FAM222B: variants seen among roughly 807,000 people sequenced by gnomAD.
FAM222B encodes the protein family with sequence similarity 222 member B, also known as protein FAM222B.
FAM222B carries 12 observed loss-of-function variants against 38.0 expected under a neutral mutation model. That is an observed-to-expected ratio of 0.32 (90% confidence interval 0.20 to 0.51). The LOEUF is 0.51. Among genes scored for constraint, FAM222B ranks in the 20% least tolerant of loss-of-function variants. FAM222B has a pLI of 0.97. For missense variants in FAM222B, 716 were observed against 754.2 expected (o/e 0.95, Z 0.59); for synonymous variants, 329 against 317.2 (o/e 1.04, Z -0.40).
At chr17:28,834,912 T>A (rs1003141375) in intron 1 of FAM222B, 3 of 150,550 alleles carry the variant, frequency 2.0e-5, no homozygotes, top group African/African-American at 7.3e-5. Context: ...TGGAGTGCAA[T>A]GGCGTGACCT....
At chr17:28,814,143 G>C (rs1367141208) in intron 1 of FAM222B, among the ~76,000 whole-genome samples, 1 of 150,342 alleles carries the variant, frequency 6.7e-6, no homozygotes, top group African/African-American at 2.5e-5. Flanking sequence ...CCGTGCCACT[G>C]CACTCCAGCC....
At chr17:28,798,899 G>A (rs1412882662) in intron 1 of FAM222B, among the ~76,000 whole-genome samples, 2 of 151,706 alleles carry the variant, frequency 1.3e-5, no homozygotes, top group Non-Finnish European at 2.9e-5. Flanking sequence ...TTACAGGCGT[G>A]AGCCACCACA....
intron 1 of FAM222B, among the ~76,000 whole-genome samples, chr17:28,769,461 G>T (rs761351950): frequency 6.6e-6 from 1 of 152,054 alleles, no homozygotes; most frequent in African/African-American, 2.4e-5. Context: ...GATTACAGGC[G>T]TAAGCCACCG....
At chr17:28,835,024 T>TTGTG (rs61229770) in intron 1 of FAM222B, among the ~76,000 whole-genome samples, 2,521 of 132,038 alleles carry the variant, frequency 0.019, 36 homozygotes, top group East Asian at 0.046. Flanking sequence ...TCAGCTAATT[T>TTGTG]TGTGTGTGTG....
chr17:28,851,242 C>T (rs1000095529), intron 1 of FAM222B, among the ~76,000 whole-genome samples: 1 of 151,132 alleles, frequency 6.6e-6, no homozygotes, highest in East Asian at 2.0e-4. Flanking sequence ...TCAAGACCAG[C>T]CTGGGCCAAG....
chr17:28,763,853 T>C (rs987077518), intron 2 of FAM222B, among the ~76,000 whole-genome samples: 9 of 152,226 alleles, frequency 5.9e-5, no homozygotes, highest in African/African-American at 2.2e-4. Context: ...TCTATGACTT[T>C]ATCCAGTCAT....
At chr17:28,765,476 G>C (rs890552897) in intron 2 of FAM222B, among the ~76,000 whole-genome samples, 10 of 152,148 alleles carry the variant, frequency 6.6e-5, no homozygotes, top group Non-Finnish European at 8.8e-5. Context: ...GTTAACCCCT[G>C]TCATAAGGGG....
chr17:28,758,561 C>G lies in FAM222B; in HGVS notation c.1398G>C (p.Ser466=). The G allele has an allele frequency of 6.2e-7, 1 of 1,609,932 alleles. No homozygotes were observed. Among genetic ancestry groups the G allele is most frequent in the East Asian group, 2.2e-5 (1 of 44,872 alleles). The part of the protein sequence containing the change: ...NILPTPNSDS[S]GSQDLAMPFH... Reference sequence around the variant, plus strand: ...ACGGCATGGCAAGGTCCTGAGACCCCGAGCTGTCGCTATTGGGAGTGGGCA... The same window carrying G: ...ACGGCATGGCAAGGTCCTGAGACCCGGAGCTGTCGCTATTGGGAGTGGGCA... Residue 466 remains serine (S), a synonymous_variant, in exon 3 of 3, where the codon TCG becomes TCC. Coordinates refer to ENST00000581407, the MANE Select transcript of FAM222B (RefSeq NM_001077498.3).
At chr17:28,772,091 G>A (rs2035661286) in intron 1 of FAM222B, among the ~76,000 whole-genome samples, 1 of 151,934 alleles carries the variant, frequency 6.6e-6, no homozygotes. Context: ...AAATAAGGGG[G>A]AAAAAATCAC....
At chr17:28,830,379 C>T (rs1013083744) in intron 1 of FAM222B, among the ~76,000 whole-genome samples, 3 of 151,836 alleles carry the variant, frequency 2.0e-5, no homozygotes, top group Admixed American at 1.3e-4. Context: ...CCGGGATGGT[C>T]TTGATCTCCC....
intron 1 of FAM222B, among the ~76,000 whole-genome samples, chr17:28,809,514 C>T (rs1363275284): frequency 6.6e-6 from 1 of 152,196 alleles, no homozygotes; most frequent in East Asian, 1.9e-4. Context: ...TTGCAGATGA[C>T]CAAATTCCAG....
chr17:28,800,034 CT>C (rs35953415), intron 1 of FAM222B, among the ~76,000 whole-genome samples: 27,905 of 144,578 alleles, frequency 0.19, 2,549 homozygotes, highest in South Asian at 0.3. Context: ...ATGATACTTT[CT>C]TTTTTTTTTT....
At chr17:28,809,296 A>G (rs139594873) in intron 1 of FAM222B, among the ~76,000 whole-genome samples, 1,827 of 150,930 alleles carry the variant, frequency 0.012, 17 homozygotes, top group Admixed American at 0.038. Context: ...GGCTGCAGTG[A>G]GCAGAGAGAT....
In FAM222B at chr17:28,758,660, T is replaced by G; in HGVS notation, c.1299A>C (p.Pro433=). The G allele has an allele frequency of 6.2e-7, 1 of 1,609,004 alleles. No homozygotes were observed. ...ATGGGGCTGCCATGCCGTTGACTGG[T>G]GGGGATGGGGTCGGCTTTTCCAGGG... is the stretch of plus-strand genomic sequence containing the variant. ...KPPLEKPTPS[P]PVNGMAAPLA... is the part of the protein sequence containing the mutation. The change falls in exon 3 of 3, where the codon CCA becomes CCC. Residue 433 remains proline (P), a synonymous_variant. Transcript: ENST00000581407.
intron 1 of FAM222B, among the ~76,000 whole-genome samples, chr17:28,827,779 T>A (rs1256979582): frequency 6.6e-6 from 1 of 152,182 alleles, no homozygotes; most frequent in Non-Finnish European, 1.5e-5. Context: ...GAATCAAGCA[T>A]CTGCTATGTA....
At chr17:28,834,492 T>C (rs2038771787) in intron 1 of FAM222B, among the ~76,000 whole-genome samples, 1 of 152,202 alleles carries the variant, frequency 6.6e-6, no homozygotes. Flanking sequence ...GTACAAGCTA[T>C]TTTCTGCACT....
At chr17:28,814,243 T>C (rs1364958726) in intron 1 of FAM222B, among the ~76,000 whole-genome samples, 2 of 151,724 alleles carry the variant, frequency 1.3e-5, no homozygotes, top group Admixed American at 6.6e-5. Context: ...ACCTAGAATG[T>C]CATTTTTATT....
chr17:28,779,743 T>G lies in FAM222B; in HGVS notation c.-40-13036A>C, dbSNP rs141493336. On this transcript the variant is annotated intron_variant, in intron 1 of 2. Transcript: ENST00000581407. Reference sequence around the variant, plus strand: ...TCTGGCCTGGGCGACAGAGCGAGACTCCGTCTCAAAATAAATAAATAAATA... The same window carrying G: ...TCTGGCCTGGGCGACAGAGCGAGACGCCGTCTCAAAATAAATAAATAAATA... 4.0e-3 allele frequency among the ~76,000 whole-genome samples: 590 copies of G among 145,738 alleles called. 17 individuals carry two copies. In the South Asian group the frequency reaches 0.052, roughly 13 times the overall value.
At chr17:28,804,339 A>ATT (rs549519358) in intron 1 of FAM222B, among the ~76,000 whole-genome samples, 1 of 144,152 alleles carries the variant, frequency 6.9e-6, no homozygotes, top group Admixed American at 6.9e-5. Context: ...GCTAATACAG[A>ATT]TTTTTTTTTT....
Sources: gnomAD v4.1 joint callset for allele counts (sites outside exome capture counted in the v4.1 genomes callset) on GRCh38, gnomAD v4.1.1 for gene constraint, MANE v1.5 for transcripts, NCBI Gene and HGNC (gene_info 2026-07-23, HGNC 2026-07-21) for gene names.